The following SLC25A48 variants were observed in gnomAD, a reference collection of about 807,000 sequenced individuals.
SLC25A48 encodes CTC-321K16.1.
A neutral mutation model predicts 32.2 loss-of-function variants in SLC25A48; 29 were observed. The observed-to-expected ratio is 0.90, with a 90% CI of 0.67 to 1.23. The LOEUF (loss-of-function observed/expected upper bound fraction) is 1.23. Among genes scored for constraint, SLC25A48 ranks in the 50% most tolerant of loss-of-function variants. The pLI, the probability that SLC25A48 is intolerant of heterozygous loss-of-function variation, is 0.00. For missense variants in SLC25A48, 399 were observed against 422.7 expected (o/e 0.94, Z 0.49); for synonymous variants, 164 against 172.3 (o/e 0.95, Z 0.38).
intron 3 of SLC25A48, among the ~76,000 whole-genome samples, chr5:135,751,062 C>T (rs62365676): frequency 0.3 from 46,054 of 152,046 alleles, 7,137 homozygotes; most frequent in East Asian, 0.46. Flanking sequence ...GCAGATCCAG[C>T]CATCCAGATC....
chr5:135,590,791 C>T (rs1751505978), intron 1 of SLC25A48, among the ~76,000 whole-genome samples: 1 of 152,226 alleles, frequency 6.6e-6, no homozygotes, highest in African/African-American at 2.4e-5. Flanking sequence ...TCCAGACACG[C>T]CATGGCTCTC....
intron 3 of SLC25A48, among the ~76,000 whole-genome samples, chr5:135,736,274 G>A (rs1050187993): frequency 5.9e-5 from 9 of 152,046 alleles, no homozygotes; most frequent in African/African-American, 1.2e-4. Context: ...CCCATTTTTC[G>A]ACAAAAATTA....
chr5:135,824,731 C>T (rs1757984093), intron 4 of SLC25A48: 1 of 152,316 alleles, frequency 6.6e-6, no homozygotes, highest in African/African-American at 2.4e-5. Context: ...CCTGGCTGGT[C>T]ACACAGGGGC....
intron 1 of SLC25A48, among the ~76,000 whole-genome samples, chr5:135,628,914 C>T (rs867232130): frequency 5.2e-4 from 79 of 152,250 alleles, no homozygotes; most frequent in Middle Eastern, 3.4e-3. Context: ...TGTCTCAGAC[C>T]CCTGAGGCCA....
At chr5:135,703,904 G>T (rs981933492) in intron 3 of SLC25A48, among the ~76,000 whole-genome samples, 2 of 152,198 alleles carry the variant, frequency 1.3e-5, no homozygotes, top group Non-Finnish European at 2.9e-5. Flanking sequence ...TGGGGGGAAA[G>T]GACCACAGAG....
intron 1 of SLC25A48, among the ~76,000 whole-genome samples, chr5:135,620,604 G>A (rs975675171): frequency 6.6e-6 from 1 of 152,140 alleles, no homozygotes; most frequent in Admixed American, 6.5e-5. Flanking sequence ...TTGTCCTTGG[G>A]ACATGAGAAA....
chr5:135,697,774 G>A (rs957350402), intron 3 of SLC25A48, among the ~76,000 whole-genome samples: 1 of 152,186 alleles, frequency 6.6e-6, no homozygotes, highest in Non-Finnish European at 1.5e-5. Context: ...GCTGTTCCTG[G>A]TGTATCTCCA....
chr5:135,879,642 G>A (rs1403259602), intron 6 of SLC25A48, among the ~76,000 whole-genome samples: 2 of 151,064 alleles, frequency 1.3e-5, no homozygotes, highest in African/African-American at 4.9e-5. Flanking sequence ...GTGTGTGTGT[G>A]TACATGTGAG....
At chr5:135,595,292 C>T (rs920244539) in intron 1 of SLC25A48, among the ~76,000 whole-genome samples, 10 of 152,238 alleles carry the variant, frequency 6.6e-5, no homozygotes, top group Admixed American at 1.3e-4. Context: ...TGGGCATTGC[C>T]ATTCCCACTG....
chr5:135,872,033 C>A, intron 5 of SLC25A48: 1 of 1,264,884 alleles, frequency 7.9e-7, no homozygotes, highest in Non-Finnish European at 1.0e-6. Context: ...TTATTAAATG[C>A]AATCTTTGTA....
At chr5:135,838,666 C>T (rs1322277135) in intron 1 of SLC25A48, among the ~76,000 whole-genome samples, 1 of 152,244 alleles carries the variant, frequency 6.6e-6, no homozygotes, top group Non-Finnish European at 1.5e-5. Context: ...TGAAAGGGGC[C>T]AAGGTACAGC....
At chr5:135,612,026 G>A (rs550201956) in intron 1 of SLC25A48, among the ~76,000 whole-genome samples, 44 of 152,248 alleles carry the variant, frequency 2.9e-4, no homozygotes, top group African/African-American at 1.0e-3. Flanking sequence ...CAACATGAAC[G>A]GTTTATATGC....
chr5:135,695,499 TG>T (rs1462287257), intron 3 of SLC25A48, among the ~76,000 whole-genome samples: 1 of 152,234 alleles, frequency 6.6e-6, no homozygotes, highest in Non-Finnish European at 1.5e-5. Context: ...CAGGTTGCAA[TG>T]GGCACAGCCC....
chr5:135,873,273 C>T lies in SLC25A48; in HGVS notation c.680-748C>T, dbSNP rs758365985. 2.0e-5 allele frequency among the ~76,000 whole-genome samples: 3 copies of T among 152,188 alleles called. No individual in the cohort carries two copies. In the East Asian group the frequency reaches 5.8e-4, roughly 29 times the overall value. ...AACCATGCAAACCAGTTGCCCTGGA[C>T]TTTAACATCAATTTGTTTTTCTCTC... is the stretch of plus-strand genomic sequence containing the variant. On this transcript the variant is annotated intron_variant, in intron 5 of 7. Coordinates refer to ENST00000681962, the MANE Select transcript of SLC25A48 (RefSeq NM_001349336.2).
chr5:135,590,176 C>A (rs1231004698), intron 1 of SLC25A48, among the ~76,000 whole-genome samples: 2 of 152,192 alleles, frequency 1.3e-5, no homozygotes, highest in African/African-American at 2.4e-5. Context: ...AGATAAAACC[C>A]TTTTAAGGAT....
intron 3 of SLC25A48, among the ~76,000 whole-genome samples, chr5:135,725,280 A>G (rs1755063358): frequency 1.3e-5 from 2 of 152,202 alleles, no homozygotes; most frequent in African/African-American, 4.8e-5. Context: ...AACAAGCAAG[A>G]TACTTCCTGA....
At chr5:135,653,563 T>G (rs972719058) in intron 3 of SLC25A48, among the ~76,000 whole-genome samples, 1 of 152,126 alleles carries the variant, frequency 6.6e-6, no homozygotes, top group Non-Finnish European at 1.5e-5. Flanking sequence ...GCCATAGATA[T>G]CAATTATAAC....
intron 3 of SLC25A48, among the ~76,000 whole-genome samples, chr5:135,757,466 CAAT>C (rs1455723280): frequency 2.5e-4 from 37 of 148,912 alleles, no homozygotes; most frequent in African/African-American, 3.7e-4. Context: ...TGTTAACACA[CAAT>C]AATATTAATA....
chr5:135,742,108 C>CAAA (rs1755513736), intron 3 of SLC25A48, among the ~76,000 whole-genome samples: 2 of 152,122 alleles, frequency 1.3e-5, no homozygotes, highest in African/African-American at 4.8e-5. Context: ...ATTTGAGAGT[C>CAAA]TCATTCTGTC....
Sources: gnomAD v4.1 joint callset for allele counts (sites outside exome capture counted in the v4.1 genomes callset) on GRCh38, gnomAD v4.1.1 for gene constraint, MANE v1.5 for transcripts, NCBI Gene and HGNC (gene_info 2026-07-23, HGNC 2026-07-21) for gene names.